Variants in FHOD3 observed in about 807,000 individuals in gnomAD.
FHOD3 encodes formin homology 2 domain containing 3.
A neutral mutation model predicts 173.0 loss-of-function variants in FHOD3; 90 were observed. The observed-to-expected ratio is 0.52, with a 90% confidence interval of 0.44 to 0.62. The LOEUF (loss-of-function observed/expected upper bound fraction) is 0.62, where lower values mean the gene tolerates loss of function less well. FHOD3 is among the 20% of genes least tolerant of loss of function. FHOD3 has a pLI of 0.00. For missense variants in FHOD3, 1,945 were observed against 2,034.7 expected (o/e 0.96, Z 0.85); for synonymous variants, 828 against 823.0 (o/e 1.01, Z -0.10).
intron 5 of FHOD3, among the ~76,000 whole-genome samples, chr18:36,523,429 G>T (rs1219370499): frequency 1.3e-5 from 2 of 152,164 alleles, no homozygotes; most frequent in African/African-American, 4.8e-5. Flanking sequence ...TTGATCAGTG[G>T]TGCCTTTCTG....
At chr18:36,404,882 G>A (rs995769916) in intron 3 of FHOD3, among the ~76,000 whole-genome samples, 10 of 152,188 alleles carry the variant, frequency 6.6e-5, no homozygotes, top group African/African-American at 2.4e-4. Flanking sequence ...TACTAGAAGT[G>A]TAAAATCAGT....
intron 3 of FHOD3, among the ~76,000 whole-genome samples, chr18:36,500,523 A>G (rs1466496879): frequency 6.6e-6 from 1 of 152,188 alleles, no homozygotes; most frequent in African/African-American, 2.4e-5. Flanking sequence ...ATTGTTTTGA[A>G]TGCCTTTATT....
chr18:36,394,810 G>A (rs1234771559), intron 3 of FHOD3, among the ~76,000 whole-genome samples: 1 of 152,194 alleles, frequency 6.6e-6, no homozygotes, highest in African/African-American at 2.4e-5. Flanking sequence ...TGCTGCAGAT[G>A]TTCACTGCTA....
intron 17 of FHOD3, among the ~76,000 whole-genome samples, chr18:36,707,154 ATT>A (rs2039927574): frequency 6.6e-6 from 1 of 152,192 alleles, no homozygotes; most frequent in Non-Finnish European, 1.5e-5. Flanking sequence ...CTGTGTGCCC[ATT>A]GGCTTCCTTC....
chr18:36,424,429 G>A (rs946592546), intron 3 of FHOD3, among the ~76,000 whole-genome samples: 2 of 152,036 alleles, frequency 1.3e-5, no homozygotes, highest in Admixed American at 6.6e-5. Flanking sequence ...ATTGACTTGG[G>A]TTTATTGTTC....
At chr18:36,452,926 T>C (rs1417922876) in intron 3 of FHOD3, among the ~76,000 whole-genome samples, 1 of 152,180 alleles carries the variant, frequency 6.6e-6, no homozygotes, top group East Asian at 1.9e-4. Flanking sequence ...TCACCCATTG[T>C]TGAGCACTGA....
intron 3 of FHOD3, among the ~76,000 whole-genome samples, chr18:36,379,296 T>C (rs1487107902): frequency 1.3e-5 from 2 of 152,220 alleles, no homozygotes; most frequent in African/African-American, 4.8e-5. Context: ...ACAATGTGAA[T>C]TGAATCACAG....
intron 25 of FHOD3, 136 bp from the exon 26 acceptor site, chr18:36,758,982 T>C (rs925269833): frequency 9.9e-6 from 9 of 910,324 alleles, no homozygotes; most frequent in Non-Finnish European, 1.5e-5. Context: ...CTCAAGAGGA[T>C]GTATCCTGGT....
chr18:36,522,865 CA>C (rs771725095), intron 5 of FHOD3, among the ~76,000 whole-genome samples: 5 of 152,204 alleles, frequency 3.3e-5, no homozygotes, highest in Non-Finnish European at 7.3e-5. Context: ...AATTATATGA[CA>C]CATGTTCAAG....
intron 8 of FHOD3, among the ~76,000 whole-genome samples, chr18:36,603,962 T>A (rs1262826306): frequency 2.0e-5 from 3 of 152,152 alleles, no homozygotes; most frequent in Admixed American, 2.0e-4. Context: ...TGGGGGTAGG[T>A]CCCACTTGTC....
chr18:36,500,042 CTGCCCCAGGA>C (rs1316125300), intron 3 of FHOD3, among the ~76,000 whole-genome samples: 3 of 152,200 alleles, frequency 2.0e-5, no homozygotes, highest in Non-Finnish European at 4.4e-5. Flanking sequence ...GGAGCCTGCA[CTGCCCCAGGA>C]TGTGAGAGAA....
At chr18:36,394,161 G>C (rs542771638) in intron 3 of FHOD3, among the ~76,000 whole-genome samples, 1 of 152,212 alleles carries the variant, frequency 6.6e-6, no homozygotes, top group East Asian at 1.9e-4. Flanking sequence ...GGGAGACCTG[G>C]ATTTTCTGAG....
intron 21 of FHOD3, 76 bp downstream of exon 21, chr18:36,740,914 T>A: frequency 7.3e-7 from 1 of 1,376,874 alleles, no homozygotes; most frequent in Non-Finnish European, 9.9e-7. Flanking sequence ...TGATCAGTAC[T>A]AAGGCAGTGA....
intron 3 of FHOD3, among the ~76,000 whole-genome samples, chr18:36,416,164 C>G (rs956304603): frequency 8.5e-5 from 13 of 152,150 alleles, no homozygotes; most frequent in African/African-American, 3.1e-4. Flanking sequence ...TTGCGAGTAG[C>G]TGGGACTATA....
At chr18:36,466,484 A>G (rs979176028) in intron 3 of FHOD3, among the ~76,000 whole-genome samples, 2 of 152,212 alleles carry the variant, frequency 1.3e-5, no homozygotes, top group Admixed American at 1.3e-4. Flanking sequence ...GCAAAATCAT[A>G]AATCAATAAT....
intron 9 of FHOD3, among the ~76,000 whole-genome samples, chr18:36,618,312 T>G (rs1320730927): frequency 1.4e-4 from 2 of 14,264 alleles, no homozygotes; most frequent in Non-Finnish European, 1.9e-4. Flanking sequence ...TTTTTGGTGG[T>G]TTTTTTTTTT....
At chr18:36,540,977 G>T (rs139784883) in intron 5 of FHOD3, among the ~76,000 whole-genome samples, 1 of 152,138 alleles carries the variant, frequency 6.6e-6, no homozygotes. Flanking sequence ...TGGGCTGGGC[G>T]TGGTGGCTCA....
At chr18:36,486,649 C>T (rs2054207628) in intron 3 of FHOD3, among the ~76,000 whole-genome samples, 1 of 152,156 alleles carries the variant, frequency 6.6e-6, no homozygotes, top group Non-Finnish European at 1.5e-5. Flanking sequence ...ATTGTAGATC[C>T]TCTAGAATCA....
chr18:36,313,203 C>A (rs2092296786), intron 1 of FHOD3, among the ~76,000 whole-genome samples: 1 of 152,172 alleles, frequency 6.6e-6, no homozygotes, highest in Non-Finnish European at 1.5e-5. Context: ...AGAAGTGAAT[C>A]ACCAGGGCTG....
Sources: gnomAD v4.1 joint callset for allele counts (sites outside exome capture counted in the v4.1 genomes callset) on GRCh38, gnomAD v4.1.1 for gene constraint, MANE v1.5 for transcripts, NCBI Gene and HGNC (gene_info 2026-07-23, HGNC 2026-07-21) for gene names.